Variants in TRAPPC6B observed in about 807,000 individuals in gnomAD.
TRAPPC6B encodes the protein TRAPP complex subunit 6B.
TRAPPC6B carries 27 observed loss-of-function variants against 24.7 expected under a neutral mutation model. The observed-to-expected ratio is 1.09, with a 90% CI of 0.81 to 1.51. The LOEUF (loss-of-function observed/expected upper bound fraction) is 1.51, where lower values mean the gene tolerates loss of function less well. Ranked by LOEUF, TRAPPC6B falls within the 40% of genes most tolerant of loss-of-function variation. TRAPPC6B has a pLI of 0.00. For missense variants in TRAPPC6B, 212 were observed against 190.8 expected (o/e 1.11, Z -0.66); for synonymous variants, 80 against 66.6 (o/e 1.20, Z -0.98).
At chr14:39,162,894 G>T (rs911028186) in intron 1 of TRAPPC6B, among the ~76,000 whole-genome samples, 1 of 143,344 alleles carries the variant, frequency 7.0e-6, no homozygotes, top group Admixed American at 6.7e-5. Context: ...ACTCTGCCCC[G>T]TCCCTTAAAC....
At position 39,159,538 on chromosome 14, in the gene TRAPPC6B, A is replaced by C; in HGVS notation, c.94T>G (p.Cys32Gly). 6.2e-7 allele frequency: 1 copy of C among 1,604,030 alleles called. No homozygotes were observed. Among genetic ancestry groups the C allele is most frequent in the Non-Finnish European group, 8.5e-7 (1 of 1,174,640 alleles). Residue 32 changes from cysteine to glycine, a missense_variant, in exon 2 of 6, where the codon TGT becomes GGT. Cys to Gly is a radical substitution (Grantham distance 159, BLOSUM62 -3). Coordinates refer to ENST00000330149, the MANE Select transcript of TRAPPC6B (RefSeq NM_001079537.2). Reference sequence around the variant, plus strand: ...CCCATGTTTTCCAGCTTAGTAATACATCGTCCGTTTTCCTATTTTAAAAAA... The same window carrying C: ...CCCATGTTTTCCAGCTTAGTAATACCTCGTCCGTTTTCCTATTTTAAAAAA... ...AEQGEVENGR[C>G]ITKLENMGFR...
In TRAPPC6B at chr14:39,159,518, G is replaced by A. The variant is rs2053029627; in HGVS notation, c.114C>T (p.Asn38=). ...ENGRCITKLE[N]MGFRVGQGLI... is the part of the protein sequence containing the mutation. Reference sequence around the variant, plus strand: ...ATCCTTGTCCCACTCGAAACCCCATGTTTTCCAGCTTAGTAATACATCGTC... The same window carrying A: ...ATCCTTGTCCCACTCGAAACCCCATATTTTCCAGCTTAGTAATACATCGTC... The change falls in exon 2 of 6, where the codon AAC becomes AAT. Residue 38 remains asparagine (N), a synonymous_variant. Transcript: ENST00000330149. 2 of 1,604,986 alleles carry A rather than the reference G, an allele frequency of 1.2e-6. No individual in the cohort carries two copies. Among genetic ancestry groups the A allele is most frequent in the Non-Finnish European group, 1.7e-6 (2 of 1,175,368 alleles).
chr14:39,159,305 AT>A, intron 2 of TRAPPC6B, 177 bp downstream of exon 2: 1 of 350,718 alleles, frequency 2.9e-6, no homozygotes, highest in Non-Finnish European at 5.1e-6. Flanking sequence ...TTAAAATAAA[AT>A]TTGAATAAAT....
chr14:39,163,285 C>T (rs1452238048), intron 1 of TRAPPC6B, among the ~76,000 whole-genome samples: 2 of 148,900 alleles, frequency 1.3e-5, no homozygotes, highest in Non-Finnish European at 2.9e-5. Context: ...GCAGGAGAAA[C>T]GCTTGAACCC....
In TRAPPC6B at chr14:39,150,058, C is replaced by A; in HGVS notation, c.*292G>T. The A allele has an allele frequency of 4.1e-6, 1 of 241,972 alleles. No homozygotes were observed. The highest frequency in any genetic ancestry group is 1.7e-4 in the South Asian group (1 of 5,836). The allele number at this position is 241,972 out of a possible 1,614,324, so 15.0% of individuals were successfully genotyped here. ...CAACAAACCCTGAGCTTTGTTTCTC[C>A]ATCTATGGCTAAATACATATCACTC... On this transcript the variant is annotated 3_prime_UTR_variant, in exon 6 of 6. Transcript: ENST00000330149.
intron 3 of TRAPPC6B, chr14:39,157,917 T>C (rs1268121597): frequency 6.0e-6 from 1 of 166,508 alleles, no homozygotes; most frequent in Non-Finnish European, 1.3e-5. Context: ...ATTCTTCTTC[T>C]TCAAAAAAAA....
intron 1 of TRAPPC6B, among the ~76,000 whole-genome samples, chr14:39,161,858 G>A (rs893646871): frequency 1.3e-5 from 2 of 152,190 alleles, no homozygotes; most frequent in African/African-American, 4.8e-5. Context: ...CAGATGAGAA[G>A]CTAGGTCAAT....
At position 39,149,589 on chromosome 14, in the gene TRAPPC6B, G is replaced by C. The variant is rs2052891214; in HGVS notation, c.*761C>G. ...TGCTCAGCTGGAAGAGGAAAGAAGG[G>C]AATAAAGATGTTAGATCCTTTACCA... On this transcript the variant is annotated 3_prime_UTR_variant, in exon 6 of 6. Coordinates refer to ENST00000330149, the MANE Select transcript of TRAPPC6B (RefSeq NM_001079537.2). The C allele has an allele frequency of 6.6e-6, 1 of 152,138 alleles. No homozygotes were observed. The highest frequency in any genetic ancestry group is 6.6e-5 in the Admixed American group (1 of 15,256). The allele number at this position is 152,138 out of a possible 1,614,324, so 9.4% of individuals were successfully genotyped here. A position where few individuals can be genotyped will look rare whatever the true frequency, so the allele number is the denominator to read the frequency against.
chr14:39,162,599 G>A (rs8016435), intron 1 of TRAPPC6B, among the ~76,000 whole-genome samples: 4,565 of 152,180 alleles, frequency 0.03, 234 homozygotes, highest in African/African-American at 0.1. Context: ...TATCACCTTT[G>A]ATGTTTTTCC....
chr14:39,157,272 T>C (rs1306951065), intron 3 of TRAPPC6B: 2 of 380,888 alleles, frequency 5.3e-6, no homozygotes, highest in African/African-American at 2.1e-5. Context: ...CCATCCTCTG[T>C]AAGCAGCTGA....
At chr14:39,167,427 A>G (rs1009733191) in intron 1 of TRAPPC6B, among the ~76,000 whole-genome samples, 2 of 152,236 alleles carry the variant, frequency 1.3e-5, no homozygotes, top group African/African-American at 2.4e-5. Context: ...AAAAAGACAC[A>G]TAATCCTGTC....
intron 4 of TRAPPC6B, among the ~76,000 whole-genome samples, chr14:39,152,263 C>T (rs918835083): frequency 1.3e-5 from 2 of 152,162 alleles, no homozygotes; most frequent in East Asian, 1.9e-4. Flanking sequence ...ATTCTTTGAG[C>T]TTATCAATTT....
chr14:39,155,706 T>G (rs905228377), intron 3 of TRAPPC6B, among the ~76,000 whole-genome samples: 5 of 151,918 alleles, frequency 3.3e-5, no homozygotes, highest in African/African-American at 1.2e-4. Context: ...CTGGCTAATT[T>G]TTGTATTTTT....
intron 1 of TRAPPC6B, among the ~76,000 whole-genome samples, chr14:39,162,801 C>T (rs554708253): frequency 3.3e-4 from 50 of 152,334 alleles, no homozygotes; most frequent in African/African-American, 1.2e-3. Context: ...ATGCTGAACA[C>T]ATCCAAATCC....
At chr14:39,159,643 G>T in intron 1 of TRAPPC6B, 93 bp from the exon 2 acceptor site, 1 of 844,068 alleles carries the variant, frequency 1.2e-6, no homozygotes, top group Non-Finnish European at 1.8e-6. Flanking sequence ...AAATATTAAT[G>T]TAAACATTTA....
intron 1 of TRAPPC6B, among the ~76,000 whole-genome samples, chr14:39,168,618 T>C (rs1378075487): frequency 6.6e-6 from 1 of 152,140 alleles, no homozygotes; most frequent in Non-Finnish European, 1.5e-5. Flanking sequence ...TATTTTTTTC[T>C]TCTCCTTTAT....
At chr14:39,156,165 A>G (rs965389046) in intron 3 of TRAPPC6B, among the ~76,000 whole-genome samples, 1 of 152,150 alleles carries the variant, frequency 6.6e-6, no homozygotes, top group African/African-American at 2.4e-5. Flanking sequence ...TAGCATTTCC[A>G]GTAATTCCAA....
In TRAPPC6B at chr14:39,170,004, G is replaced by A. The variant is rs1214249668; in HGVS notation, c.81+11C>T. ...CGCAAAAGGACCTCAAGGTTGTGTGGCAGCACTCACCACCTCCCCCTGCTC... is the reference window on the plus strand; with the variant it reads ...CGCAAAAGGACCTCAAGGTTGTGTGACAGCACTCACCACCTCCCCCTGCTC... On this transcript the variant is annotated intron_variant, in intron 1 of 5. Coordinates refer to ENST00000330149, the MANE Select transcript of TRAPPC6B (RefSeq NM_001079537.2). 1 of 1,613,508 alleles carries A rather than the reference G, an allele frequency of 6.2e-7. No individual in the cohort carries two copies. The highest frequency in any genetic ancestry group is 1.7e-5 in the Admixed American group (1 of 60,002).
In TRAPPC6B at chr14:39,155,073, C is replaced by A. The variant is rs547151329; in HGVS notation, c.268-779G>T. 3.9e-5 allele frequency among the ~76,000 whole-genome samples: 6 copies of A among 152,100 alleles called. No individual in the cohort carries two copies. The South Asian group carries it at 8.3e-4, about 21-fold the overall frequency. ...CCTTCCGAGTAGCTGGGACCACAGA[C>A]ACATGCCACCACACCCGGCTAGTTT... On this transcript the variant is annotated intron_variant, in intron 3 of 5. Transcript: ENST00000330149.
Sources: allele counts gnomAD v4.1 joint callset (sites outside exome capture counted in the v4.1 genomes callset), GRCh38; gene constraint gnomAD v4.1.1; transcripts MANE v1.5; gene names NCBI Gene and HGNC (gene_info 2026-07-23, HGNC 2026-07-21).